The following RBFOX1 variants were observed in gnomAD, a reference collection of about 807,000 sequenced individuals.
RBFOX1 encodes RNA binding protein fox-1 homolog 1.
RBFOX1 carries 8 observed loss-of-function variants against 57.7 expected under a neutral mutation model. That is an observed-to-expected ratio of 0.14 (90% CI 0.08 to 0.25). The LOEUF is 0.25. Ranked by LOEUF, RBFOX1 falls within the 10% of genes least tolerant of loss-of-function variation. RBFOX1 has a pLI of 1.00. For synonymous variants in RBFOX1, 326 were observed against 222.4 expected (o/e 1.47, Z -4.15); for missense variants, 611 against 548.5 (o/e 1.11, Z -1.14).
intron 3 of RBFOX1, among the ~76,000 whole-genome samples, chr16:5,710,505 C>T (rs754614681): frequency 2.8e-4 from 43 of 152,174 alleles, no homozygotes; most frequent in Admixed American, 9.2e-4. Flanking sequence ...CCCTAATTGT[C>T]TGTATTATGA....
At chr16:5,272,679 T>G (rs1211835073) in intron 1 of RBFOX1, among the ~76,000 whole-genome samples, 1 of 152,234 alleles carries the variant, frequency 6.6e-6, no homozygotes, top group African/African-American at 2.4e-5. Context: ...TGTGGGGCCA[T>G]GGAAAGGTTC....
intron 1 of RBFOX1, chr16:6,038,598 T>A (rs1816177705): frequency 6.8e-6 from 1 of 147,488 alleles, no homozygotes; most frequent in Admixed American, 6.8e-5. Context: ...AATCCATATA[T>A]ATATATATAT....
intron 3 of RBFOX1, among the ~76,000 whole-genome samples, chr16:6,781,778 C>G (rs1032471435): frequency 6.6e-6 from 1 of 151,990 alleles, no homozygotes; most frequent in African/African-American, 2.4e-5. Flanking sequence ...ATTTTCTTAG[C>G]TCTGATTTCA....
rs574806261 is a variant in RBFOX1, at chr16:6,382,646, G to T, written c.-64+65589G>T. On this transcript the variant is annotated intron_variant, in intron 2 of 15. Coordinates refer to ENST00000550418, the MANE Select transcript of RBFOX1 (RefSeq NM_018723.4). ...AGGCTGAGGCGGGCAGATCATCTGAGGTTAGGAGTTCTAGAGCAGCCTGGT... is the reference window on the plus strand; with the variant it reads ...AGGCTGAGGCGGGCAGATCATCTGATGTTAGGAGTTCTAGAGCAGCCTGGT... Among the ~76,000 whole-genome samples, 4 of 152,200 alleles carry T rather than the reference G, an allele frequency of 2.6e-5. No individual in the cohort carries two copies. The South Asian group carries it at 8.3e-4, about 32-fold the overall frequency.
intron 4 of RBFOX1, among the ~76,000 whole-genome samples, chr16:7,409,346 T>A (rs10500355): frequency 0.29 from 44,389 of 152,150 alleles, 7,075 homozygotes; most frequent in Middle Eastern, 0.4. Flanking sequence ...TGTGAATTGA[T>A]ATTATAAACC....
At position 5,775,534 on chromosome 16, in the gene RBFOX1, G is replaced by A. The variant is rs1314376704; in HGVS notation, c.319-91769G>A. On this transcript the variant is annotated intron_variant, in intron 3 of 19. Coordinates refer to the RBFOX1 transcript ENST00000641259. ...TGATAAAAATTAAGGAGCCTTATAT[G>A]GCACAGGCTCAGAGGTTCAGACACC... Among the ~76,000 whole-genome samples, 12 of 152,204 alleles carry A rather than the reference G, an allele frequency of 7.9e-5. 1 individual carries two copies. In the East Asian group the frequency reaches 2.3e-3, roughly 29 times the overall value.
chr16:5,740,311 G>A lies in RBFOX1; in HGVS notation c.319-126992G>A, dbSNP rs1027246420. On this transcript the variant is annotated intron_variant, in intron 3 of 19. Transcript: ENST00000641259. ...CACCAAACACTGTGTGATTGCCTGA[G>A]ACTCCAAGGGGGCTCCACCAAACAG... 3.3e-5 allele frequency among the ~76,000 whole-genome samples: 5 copies of A among 152,290 alleles called. No homozygotes were observed. The South Asian group carries it at 1.0e-3, about 32-fold the overall frequency.
intron 1 of RBFOX1, among the ~76,000 whole-genome samples, chr16:6,198,062 C>G (rs564490344): frequency 6.6e-6 from 1 of 152,274 alleles, no homozygotes; most frequent in African/African-American, 2.4e-5. Flanking sequence ...TAATACTTAC[C>G]TGACGCAGAT....
At chr16:7,497,829 G>A (rs1426726100) in intron 4 of RBFOX1, among the ~76,000 whole-genome samples, 2 of 152,208 alleles carry the variant, frequency 1.3e-5, no homozygotes, top group Admixed American at 6.5e-5. Context: ...TCTGCATACT[G>A]GAGCGTTTTC....
chr16:5,686,475 T>A lies in RBFOX1; in HGVS notation c.318+87514T>A, dbSNP rs112653920. Among the ~76,000 whole-genome samples, 580 of 152,296 alleles carry A rather than the reference T, an allele frequency of 3.8e-3. 3 individuals are homozygous for A. Among genetic ancestry groups the A allele is most frequent in the African/African-American group, 0.013 (552 of 41,562 alleles). ...ACCCAAAGCCTGCAGTGAAGGTAGCTGTTTCCTGTGCCTCCACTGAGAGAT... is the reference window on the plus strand; with the variant it reads ...ACCCAAAGCCTGCAGTGAAGGTAGCAGTTTCCTGTGCCTCCACTGAGAGAT... On this transcript the variant is annotated intron_variant, in intron 3 of 19. Coordinates refer to the RBFOX1 transcript ENST00000641259.
chr16:7,192,375 C>G (rs1024152502), intron 4 of RBFOX1, among the ~76,000 whole-genome samples: 4 of 152,146 alleles, frequency 2.6e-5, no homozygotes, highest in Non-Finnish European at 4.4e-5. Flanking sequence ...GGGTGCTTCT[C>G]TGAATCCTAG....
chr16:6,022,333 A>C (rs1225288741), intron 1 of RBFOX1, among the ~76,000 whole-genome samples: 3 of 152,100 alleles, frequency 2.0e-5, no homozygotes, highest in Non-Finnish European at 2.9e-5. Context: ...GAATATTAGA[A>C]GTGGCTTTAT....
chr16:6,854,053 G>A (rs979596810), intron 3 of RBFOX1, among the ~76,000 whole-genome samples: 2 of 152,154 alleles, frequency 1.3e-5, no homozygotes, highest in Non-Finnish European at 2.9e-5. Flanking sequence ...TTAAGTCTTT[G>A]TTCCTTCCAG....
At chr16:6,647,632 G>C (rs2098544576) in intron 2 of RBFOX1, among the ~76,000 whole-genome samples, 1 of 152,288 alleles carries the variant, frequency 6.6e-6, no homozygotes, top group African/African-American at 2.4e-5. Context: ...CTGAGGGTTA[G>C]AGCTATGACA....
chr16:6,040,566 T>G (rs1596601263), intron 1 of RBFOX1, among the ~76,000 whole-genome samples: 1 of 150,394 alleles, frequency 6.6e-6, no homozygotes, highest in South Asian at 2.1e-4. Context: ...CTTTCTTTCT[T>G]TCTTTCTCTC....
intron 3 of RBFOX1, among the ~76,000 whole-genome samples, chr16:6,843,648 C>A (rs776612528): frequency 6.6e-6 from 1 of 152,196 alleles, no homozygotes; most frequent in African/African-American, 2.4e-5. Context: ...GACATCGCGC[C>A]ACCGCACTCC....
intron 1 of RBFOX1, among the ~76,000 whole-genome samples, chr16:5,422,336 C>G (rs1482736086): frequency 1.9e-5 from 2 of 106,864 alleles, no homozygotes; most frequent in African/African-American, 3.7e-5. Context: ...AAGAGGAGAA[C>G]GTGGAGGAGG....
chr16:6,436,808 A>C (rs1030513653), intron 2 of RBFOX1, among the ~76,000 whole-genome samples: 8 of 152,118 alleles, frequency 5.3e-5, no homozygotes, highest in African/African-American at 1.9e-4. Context: ...AAAATGGTAC[A>C]CGTATATTGA....
At chr16:6,452,672 C>A (rs967686570) in intron 2 of RBFOX1, among the ~76,000 whole-genome samples, 2 of 152,184 alleles carry the variant, frequency 1.3e-5, no homozygotes, top group Non-Finnish European at 2.9e-5. Flanking sequence ...ATGGGAGCTG[C>A]CATAAATAGA....
Sources: allele counts gnomAD v4.1 joint callset (sites outside exome capture counted in the v4.1 genomes callset), GRCh38; gene constraint gnomAD v4.1.1; transcripts MANE v1.5; gene names NCBI Gene and HGNC (gene_info 2026-07-23, HGNC 2026-07-21).